SLC35F1: variants seen among roughly 807,000 people sequenced by gnomAD.
SLC35F1 encodes the protein chromosome 6 open reading frame 169.
SLC35F1 carries 14 observed loss-of-function variants against 48.7 expected under a neutral mutation model. The observed-to-expected ratio is 0.29, with a 90% confidence interval of 0.19 to 0.45. SLC35F1 has a LOEUF of 0.45. Ranked by LOEUF, SLC35F1 falls within the 20% of genes least tolerant of loss-of-function variation. The pLI is 1.00. For missense variants in SLC35F1, 404 were observed against 500.0 expected (o/e 0.81, Z 1.83); for synonymous variants, 190 against 202.2 (o/e 0.94, Z 0.51).
intron 2 of SLC35F1, among the ~76,000 whole-genome samples, chr6:118,212,157 A>C (rs1204672178): frequency 6.6e-6 from 1 of 152,158 alleles, no homozygotes; most frequent in African/African-American, 2.4e-5. Flanking sequence ...CTTTTCTCGC[A>C]TGTCTTTGAA....
At chr6:117,921,223 C>A (rs1054065375) in intron 1 of SLC35F1, among the ~76,000 whole-genome samples, 1 of 152,138 alleles carries the variant, frequency 6.6e-6, no homozygotes, top group African/African-American at 2.4e-5. Flanking sequence ...TAAAGTGCTT[C>A]ATTTCTATTT....
intron 3 of SLC35F1, among the ~76,000 whole-genome samples, chr6:118,263,183 A>G (rs889350629): frequency 6.6e-6 from 1 of 152,108 alleles, no homozygotes; most frequent in Non-Finnish European, 1.5e-5. Flanking sequence ...CGGCCTCCCA[A>G]GTAGCTGGAA....
intron 1 of SLC35F1, among the ~76,000 whole-genome samples, chr6:118,126,647 T>C (rs1309213554): frequency 2.0e-5 from 3 of 151,540 alleles, no homozygotes; most frequent in Non-Finnish European, 4.4e-5. Flanking sequence ...TGTATCCTCT[T>C]TTATTTCCTT....
At position 118,310,523 on chromosome 6, in the gene SLC35F1, TA is replaced by T. The variant is rs1000924380; in HGVS notation, c.1003-3498del. Among the ~76,000 whole-genome samples the T allele has an allele frequency of 5.3e-5, 8 of 152,106 alleles. 1 individual carries two copies. The highest frequency in any genetic ancestry group is 2.0e-4 in the Admixed American group (3 of 15,280). ...AATAAAACTTTTTTTACTTTTTTTT[TA>T]AAAAAATAAAACCTTTCTGTCAACA... On this transcript the variant is annotated intron_variant, in intron 7 of 7. Transcript: ENST00000360388.
chr6:117,912,933 G>T (rs1775781284), intron 1 of SLC35F1, among the ~76,000 whole-genome samples: 2 of 152,070 alleles, frequency 1.3e-5, no homozygotes, highest in Non-Finnish European at 2.9e-5. Context: ...AGTGTCTTAG[G>T]GGCATCTTAA....
intron 6 of SLC35F1, 40 bp downstream of exon 6, chr6:118,277,586 T>C (rs1775933554): frequency 3.8e-6 from 6 of 1,573,416 alleles, no homozygotes; most frequent in Non-Finnish European, 5.2e-6. Context: ...TTTTATAACC[T>C]GAGAAATGTG....
intron 2 of SLC35F1, among the ~76,000 whole-genome samples, chr6:118,227,667 A>G (rs7752142): frequency 0.64 from 81,292 of 127,184 alleles, 22,037 homozygotes; most frequent in Middle Eastern, 0.71. Context: ...AAGGTCTTAC[A>G]TTGAGTAATT....
chr6:118,272,737 GTATATATATATACATA>G (rs1245282806), intron 4 of SLC35F1, among the ~76,000 whole-genome samples: 13 of 120,272 alleles, frequency 1.1e-4, no homozygotes, highest in Admixed American at 1.0e-3. Context: ...ATATGTGTGT[GTATATATATATACATA>G]TATATATATA....
intron 2 of SLC35F1, among the ~76,000 whole-genome samples, chr6:118,234,048 TG>T (rs1775331340): frequency 6.6e-6 from 1 of 152,220 alleles, no homozygotes; most frequent in Non-Finnish European, 1.5e-5. Context: ...TCATGGTCAT[TG>T]GAATACAGCT....
chr6:118,092,517 A>G (rs1247154566), intron 1 of SLC35F1, among the ~76,000 whole-genome samples: 1 of 152,166 alleles, frequency 6.6e-6, no homozygotes, highest in Non-Finnish European at 1.5e-5. Context: ...GGGGCACTGC[A>G]TAGTAGAGCT....
At chr6:118,071,063 C>T (rs796179292) in intron 1 of SLC35F1, among the ~76,000 whole-genome samples, 31 of 556 alleles carry the variant, frequency 0.056, no homozygotes, top group South Asian at 0.12. Context: ...ATATATTCTA[C>T]GTATATATAC....
At chr6:117,959,766 A>G (rs1776471141) in intron 1 of SLC35F1, among the ~76,000 whole-genome samples, 1 of 152,110 alleles carries the variant, frequency 6.6e-6, no homozygotes, top group Non-Finnish European at 1.5e-5. Context: ...CCTGACATAT[A>G]TAAATGCATA....
In SLC35F1 at chr6:118,265,986, G is replaced by A. The variant is rs140260690; in HGVS notation, c.478-1009G>A. ...GAATTAGTTCCATGGAGCCCAAAGA[G>A]TGTGTTTGAAAGCAGAGTTATAGAC... On this transcript the variant is annotated intron_variant, in intron 3 of 7. Coordinates refer to ENST00000360388, the MANE Select transcript of SLC35F1 (RefSeq NM_001029858.4). Among the ~76,000 whole-genome samples the A allele has an allele frequency of 4.1e-4, 62 of 152,340 alleles. 2 individuals are homozygous for A. In the East Asian group the frequency reaches 7.7e-3, roughly 19 times the overall value.
In SLC35F1 at chr6:117,971,354, C is replaced by T. The variant is rs550165909; in HGVS notation, c.173+63455C>T. Among the ~76,000 whole-genome samples, 15 of 152,366 alleles carry T rather than the reference C, an allele frequency of 9.8e-5. No homozygotes were observed. The South Asian group carries it at 2.9e-3, about 29-fold the overall frequency. ...TGTGGCTTTGCAGGGTACAGCCCCC[C>T]TCCCAGCTGCTTTCACAGGCTGTTG... On this transcript the variant is annotated intron_variant, in intron 1 of 7. Coordinates refer to ENST00000360388, the MANE Select transcript of SLC35F1 (RefSeq NM_001029858.4).
chr6:117,989,051 G>C (rs1036596092), intron 1 of SLC35F1, among the ~76,000 whole-genome samples: 1 of 152,172 alleles, frequency 6.6e-6, no homozygotes, highest in Non-Finnish European at 1.5e-5. Flanking sequence ...GAAGTTGGTA[G>C]TACCCAGGGA....
Position 118,239,214 on chromosome 6 carries a change from T to A in SLC35F1, c.477+3578T>A, listed in dbSNP as rs1169557094. 2.0e-5 allele frequency among the ~76,000 whole-genome samples: 3 copies of A among 149,702 alleles called. No individual in the cohort carries two copies. The Admixed American group carries it at 2.0e-4, about 10-fold the overall frequency. On this transcript the variant is annotated intron_variant, in intron 3 of 7. Transcript: ENST00000360388. ...AGTCTCTTGTTCACCATTGAATCTC[T>A]AGTACCTAGAGGAAACCCCAGCACA...
intron 1 of SLC35F1, among the ~76,000 whole-genome samples, chr6:118,147,509 C>T (rs1156466786): frequency 2.0e-5 from 3 of 152,044 alleles, no homozygotes; most frequent in Non-Finnish European, 2.9e-5. Context: ...TGAAAGGGAG[C>T]ATAAGAAGTG....
chr6:117,972,860 G>A (rs928609978), intron 1 of SLC35F1, among the ~76,000 whole-genome samples: 1 of 151,924 alleles, frequency 6.6e-6, no homozygotes, highest in Non-Finnish European at 1.5e-5. Context: ...ATAAAATTAG[G>A]GATACTTCTG....
At chr6:117,999,299 C>A (rs982247017) in intron 1 of SLC35F1, 1 of 1,596,096 alleles carries the variant, frequency 6.3e-7, no homozygotes, top group Non-Finnish European at 8.5e-7. Flanking sequence ...GAAGCGTGCT[C>A]TTGCCCGTAT....
Sources: allele counts gnomAD v4.1 joint callset (sites outside exome capture counted in the v4.1 genomes callset), GRCh38; gene constraint gnomAD v4.1.1; transcripts MANE v1.5; gene names NCBI Gene and HGNC (gene_info 2026-07-23, HGNC 2026-07-21).